The following RPTOR variants were observed in gnomAD, a reference collection of about 807,000 sequenced individuals.
RPTOR encodes regulatory associated protein of MTOR complex 1.
RPTOR carries 21 observed loss-of-function variants against 169.9 expected under a neutral mutation model. That is an observed-to-expected ratio of 0.12 (90% CI 0.09 to 0.18). The LOEUF is 0.18. RPTOR is among the 10% of genes least tolerant of loss of function. The pLI, the probability that RPTOR is intolerant of heterozygous loss-of-function variation, is 1.00. For synonymous variants in RPTOR, 732 were observed against 753.2 expected (o/e 0.97, Z 0.46); for missense variants, 1,133 against 1,855.9 (o/e 0.61, Z 7.16).
intron 7 of RPTOR, among the ~76,000 whole-genome samples, chr17:80,792,994 A>C (rs985816697): frequency 7.2e-5 from 11 of 152,192 alleles, no homozygotes; most frequent in Non-Finnish European, 1.2e-4. Flanking sequence ...AATTAAAAAA[A>C]AATAGGGCAT....
In RPTOR at chr17:80,893,341, G is replaced by A. The variant is rs146009282; in HGVS notation, c.2243-366G>A. Among the ~76,000 whole-genome samples the A allele has an allele frequency of 9.0e-5, 13 of 144,132 alleles. No homozygotes were observed. The East Asian group carries it at 2.6e-3, about 29-fold the overall frequency. 94.6% of individuals were successfully genotyped at this position (144,132 alleles called of 152,430 possible). A position where few individuals can be genotyped will look rare whatever the true frequency, so the allele number is the denominator to read the frequency against. On this transcript the variant is annotated intron_variant, in intron 19 of 33. Coordinates refer to ENST00000306801, the MANE Select transcript of RPTOR (RefSeq NM_020761.3). ...GTGTGTGCGCGCGCCAGGTGTGTGTGCGCCAGGGTGTGTGTGTGCTGGGTG... is the reference window on the plus strand; with the variant it reads ...GTGTGTGCGCGCGCCAGGTGTGTGTACGCCAGGGTGTGTGTGTGCTGGGTG...
chr17:80,608,893 G>A (rs8080957), intron 1 of RPTOR, among the ~76,000 whole-genome samples: 56,514 of 152,074 alleles, frequency 0.37, 10,654 homozygotes, highest in Middle Eastern at 0.4. Flanking sequence ...AACTGAGCAC[G>A]AAGCTGAGGG....
intron 7 of RPTOR, among the ~76,000 whole-genome samples, chr17:80,818,398 A>G (rs764457371): frequency 1.3e-5 from 2 of 152,228 alleles, no homozygotes; most frequent in Admixed American, 6.5e-5. Context: ...ATGGTCTGAC[A>G]TGGACAACAT....
intron 2 of RPTOR, among the ~76,000 whole-genome samples, chr17:80,634,571 CTGTG>C (rs748949476): frequency 1.1e-4 from 8 of 71,132 alleles, no homozygotes; most frequent in Admixed American, 1.6e-4. Context: ...TGTGTGCATA[CTGTG>C]TGTGTGTGCG....
intron 9 of RPTOR, among the ~76,000 whole-genome samples, chr17:80,830,309 C>G (rs1567935918): frequency 6.6e-6 from 1 of 152,196 alleles, no homozygotes; most frequent in Non-Finnish European, 1.5e-5. Flanking sequence ...CCCGCCCCAA[C>G]TCCAGCTCCA....
At chr17:80,880,897 G>A (rs1467652519) in intron 14 of RPTOR, among the ~76,000 whole-genome samples, 1 of 152,152 alleles carries the variant, frequency 6.6e-6, no homozygotes, top group African/African-American at 2.4e-5. Context: ...AGATATCGAA[G>A]CACCCCATTT....
chr17:80,954,846 G>A (rs1444843152), intron 28 of RPTOR, among the ~76,000 whole-genome samples: 2 of 152,172 alleles, frequency 1.3e-5, no homozygotes, highest in Non-Finnish European at 2.9e-5. Context: ...GAACCTGGGA[G>A]GCGGAGGTTG....
intron 7 of RPTOR, among the ~76,000 whole-genome samples, chr17:80,818,761 T>A (rs1160034309): frequency 6.6e-6 from 1 of 152,170 alleles, no homozygotes; most frequent in East Asian, 1.9e-4. Context: ...TTCAGGACCA[T>A]GTTGGGAGAG....
At chr17:80,914,552 G>A (rs112205638) in intron 21 of RPTOR, among the ~76,000 whole-genome samples, 38,974 of 152,070 alleles carry the variant, frequency 0.26, 5,988 homozygotes, top group Middle Eastern at 0.35. Context: ...GTCTGCTCCC[G>A]CTCCCTGGCC....
intron 3 of RPTOR, among the ~76,000 whole-genome samples, chr17:80,689,721 A>G (rs1159273640): frequency 3.3e-5 from 5 of 152,182 alleles, no homozygotes; most frequent in African/African-American, 4.8e-5. Flanking sequence ...TATCACTATC[A>G]GTGTTTTACG....
At chr17:80,625,666 T>C in intron 1 of RPTOR, 25 bp from the exon 2 acceptor site, 1 of 1,489,210 alleles carries the variant, frequency 6.7e-7, no homozygotes, top group South Asian at 1.1e-5. Flanking sequence ...AAATATTTAT[T>C]TATTTTTTTC....
At chr17:80,587,948 C>G (rs145745152) in intron 1 of RPTOR, among the ~76,000 whole-genome samples, 1 of 152,190 alleles carries the variant, frequency 6.6e-6, no homozygotes, top group Non-Finnish European at 1.5e-5. Flanking sequence ...CCACTAACCT[C>G]TGGTGACCAC....
In RPTOR at chr17:80,789,486, G is replaced by A. The variant is rs772698256; in HGVS notation, c.831-1964G>A. Among the ~76,000 whole-genome samples the A allele has an allele frequency of 5.3e-5, 8 of 152,278 alleles. No individual in the cohort carries two copies. The East Asian group carries it at 5.8e-4, about 11-fold the overall frequency. On this transcript the variant is annotated intron_variant, in intron 6 of 33. Coordinates refer to ENST00000306801, the MANE Select transcript of RPTOR (RefSeq NM_020761.3). ...GCAGATGTCAAAATCTCTACTCTGC[G>A]TTTTCAACCTTCCTGCTGTCCTCCA...
At chr17:80,807,621 G>A (rs1244708937) in intron 7 of RPTOR, among the ~76,000 whole-genome samples, 7 of 152,188 alleles carry the variant, frequency 4.6e-5, no homozygotes, top group South Asian at 2.1e-4. Flanking sequence ...CAAAGGGCTG[G>A]GGTTACAGGC....
rs1567856845 is a variant in RPTOR, at chr17:80,685,651, T to TA, written c.349-22190_349-22189insA. Among the ~76,000 whole-genome samples, 39 of 92,764 alleles carry TA rather than the reference T, an allele frequency of 4.2e-4. 2 individuals are homozygous for TA. The East Asian group carries it at 0.012, about 30-fold the overall frequency. The allele number at this position is 92,764 out of a possible 152,430, so 60.9% of individuals were successfully genotyped here. A position where few individuals can be genotyped will look rare whatever the true frequency, so the allele number is the denominator to read the frequency against. On this transcript the variant is annotated intron_variant, in intron 3 of 33. Coordinates refer to ENST00000306801, the MANE Select transcript of RPTOR (RefSeq NM_020761.3). ...TATTTTTTTTTTTTTTTTTTTTTTTTTTTTTTGCTGTGAATTATCTGACAT... is the reference window on the plus strand; with the variant it reads ...TATTTTTTTTTTTTTTTTTTTTTTTTATTTTTTGCTGTGAATTATCTGACAT...
intron 3 of RPTOR, among the ~76,000 whole-genome samples, chr17:80,697,692 C>T (rs1274644855): frequency 4.6e-5 from 7 of 152,334 alleles, no homozygotes; most frequent in Admixed American, 1.3e-4. Context: ...ACGGTGGGAA[C>T]GTGGTGAGGA....
intron 14 of RPTOR, among the ~76,000 whole-genome samples, chr17:80,880,830 C>T (rs1041851640): frequency 2.0e-5 from 3 of 152,114 alleles, no homozygotes; most frequent in East Asian, 1.9e-4. Flanking sequence ...GACTAGTGAG[C>T]GCCGCACGTC....
At chr17:80,689,018 T>C (rs535463062) in intron 3 of RPTOR, among the ~76,000 whole-genome samples, 2 of 152,236 alleles carry the variant, frequency 1.3e-5, no homozygotes, top group African/African-American at 4.8e-5. Flanking sequence ...AATTGCAAGA[T>C]AAAACTGAAG....
intron 18 of RPTOR, 120 bp downstream of exon 18, chr17:80,891,957 C>CT: frequency 1.7e-6 from 1 of 591,546 alleles, no homozygotes; most frequent in Non-Finnish European, 3.0e-6. Flanking sequence ...ATACCTGCCG[C>CT]AAGGGGTCCC....
Sources: allele counts gnomAD v4.1 joint callset (sites outside exome capture counted in the v4.1 genomes callset), GRCh38; gene constraint gnomAD v4.1.1; transcripts MANE v1.5; gene names NCBI Gene and HGNC (gene_info 2026-07-23, HGNC 2026-07-21).